Variants in POU2F2 observed in about 807,000 individuals in gnomAD.
POU2F2 encodes the protein POU domain, class 2, transcription factor 2.
POU2F2 carries 14 observed loss-of-function variants against 63.5 expected under a neutral mutation model. That is an observed-to-expected ratio of 0.22 (90% CI 0.15 to 0.34). POU2F2 has a LOEUF of 0.34. Ranked by LOEUF, POU2F2 falls within the 10% of genes least tolerant of loss-of-function variation. POU2F2 has a pLI of 1.00. For synonymous variants in POU2F2, 306 were observed against 348.6 expected, an observed-to-expected ratio of 0.88 and a Z score of 1.36; for missense variants, 607 against 815.2, an observed-to-expected ratio of 0.74 and a Z score of 3.11.
chr19:42,160,764 C>T lies in POU2F2; in HGVS notation c.-69-372G>A, dbSNP rs138783424. Among the ~76,000 whole-genome samples the T allele has an allele frequency of 1.2e-3, 183 of 152,160 alleles. 2 individuals carry two copies. The highest frequency in any genetic ancestry group is 4.2e-3 in the African/African-American group (173 of 41,494). ...AGATGCTCAATTAGTGCATAACGGA[C>T]GACGGAGTGAATGGATGGGTGGATG... On this transcript the variant is annotated intron_variant, in intron 1 of 6. Transcript: ENST00000524801.
At chr19:42,100,308 C>T (rs946352582) in intron 5 of POU2F2, among the ~76,000 whole-genome samples, 3 of 151,784 alleles carry the variant, frequency 2.0e-5, no homozygotes, top group Non-Finnish European at 4.4e-5. Context: ...CCAGGATGGT[C>T]TCAATCTCCT....
chr19:42,116,100 G>C (rs1011968963), intron 5 of POU2F2, among the ~76,000 whole-genome samples: 1 of 152,196 alleles, frequency 6.6e-6, no homozygotes. Flanking sequence ...TGTGGTTGGA[G>C]ACAATATGTT....
At chr19:42,175,062 G>A (rs1000114525) in intron 1 of POU2F2, among the ~76,000 whole-genome samples, 17 of 151,984 alleles carry the variant, frequency 1.1e-4, no homozygotes, top group Non-Finnish European at 2.4e-4. Context: ...TTCACTTCCC[G>A]CTAGGCATCC....
chr19:42,109,131 T>C (rs1194991581), intron 5 of POU2F2, among the ~76,000 whole-genome samples: 2 of 152,322 alleles, frequency 1.3e-5, no homozygotes, highest in Admixed American at 6.5e-5. Flanking sequence ...CAGTTCCACC[T>C]GGGGGAGAAG....
chr19:42,097,535 T>A (rs1157767019), intron 7 of POU2F2, among the ~76,000 whole-genome samples: 3 of 147,074 alleles, frequency 2.0e-5, no homozygotes, highest in Non-Finnish European at 3.0e-5. Context: ...GACAGCCGAG[T>A]GCAATGGCTC....
intron 1 of POU2F2, among the ~76,000 whole-genome samples, chr19:42,191,604 C>T (rs892099350): frequency 3.3e-5 from 5 of 152,178 alleles, no homozygotes; most frequent in African/African-American, 1.2e-4. Context: ...AGTGAAAGAG[C>T]TCAGATGGTC....
intron 1 of POU2F2, among the ~76,000 whole-genome samples, chr19:42,125,308 G>A (rs2033092088): frequency 6.7e-6 from 1 of 148,504 alleles, no homozygotes; most frequent in Non-Finnish European, 1.5e-5. Context: ...GCTACAGTGA[G>A]CCGTGATTGT....
At chr19:42,127,367 G>A (rs1255901552) in intron 1 of POU2F2, among the ~76,000 whole-genome samples, 1 of 151,604 alleles carries the variant, frequency 6.6e-6, no homozygotes, top group Non-Finnish European at 1.5e-5. Context: ...TCAGAACCCA[G>A]CATAAGCTCT....
At chr19:42,146,801 G>A (rs964220962) in intron 2 of POU2F2, among the ~76,000 whole-genome samples, 1 of 152,204 alleles carries the variant, frequency 6.6e-6, no homozygotes, top group Non-Finnish European at 1.5e-5. Context: ...AGCCTCCTAG[G>A]GAAAAAGTAG....
At chr19:42,118,395 G>A (rs1207693126) in intron 4 of POU2F2, among the ~76,000 whole-genome samples, 13 of 152,168 alleles carry the variant, frequency 8.5e-5, no homozygotes, top group South Asian at 4.1e-4. Flanking sequence ...TGGAGAGAGC[G>A]CCTGCCTAAG....
At chr19:42,164,270 C>T (rs544560185) in intron 1 of POU2F2, among the ~76,000 whole-genome samples, 12 of 143,206 alleles carry the variant, frequency 8.4e-5, no homozygotes, top group African/African-American at 2.4e-4. Context: ...CCAGCCTGGA[C>T]GACACACTGA....
At chr19:42,107,911 C>T (rs2030388619) in intron 5 of POU2F2, among the ~76,000 whole-genome samples, 1 of 152,166 alleles carries the variant, frequency 6.6e-6, no homozygotes, top group East Asian at 1.9e-4. Context: ...AACTCCCTAA[C>T]TCTGATCCAG....
chr19:42,154,077 AC>A (rs1380156042), intron 2 of POU2F2, among the ~76,000 whole-genome samples: 4 of 131,142 alleles, frequency 3.1e-5, no homozygotes, highest in South Asian at 2.9e-4. Flanking sequence ...GTCCCTCCCA[AC>A]CCCCCCAGCG....
intron 1 of POU2F2, among the ~76,000 whole-genome samples, chr19:42,124,197 G>C (rs758679907): frequency 1.1e-4 from 17 of 151,760 alleles, no homozygotes; most frequent in Admixed American, 2.6e-4. Context: ...CCAGCTATTG[G>C]GGAGGCTGAG....
intron 1 of POU2F2, chr19:42,123,265 T>G (rs1053372621): frequency 6.6e-5 from 10 of 152,430 alleles, no homozygotes; most frequent in Non-Finnish European, 1.3e-4. Context: ...AATCTAAACC[T>G]GATCTGGGAC....
intron 2 of POU2F2, among the ~76,000 whole-genome samples, chr19:42,150,801 C>T (rs113496381): frequency 3.4e-5 from 5 of 147,260 alleles, no homozygotes; most frequent in East Asian, 2.2e-4. Context: ...TGCCGCAGGC[C>T]GGGTGGGGGT....
intron 1 of POU2F2, among the ~76,000 whole-genome samples, chr19:42,172,330 G>A (rs1001367469): frequency 1.3e-5 from 2 of 152,144 alleles, no homozygotes; most frequent in African/African-American, 2.4e-5. Context: ...GTTGGCCCAT[G>A]GTCAGTGCCT....
intron 11 of POU2F2, 94 bp from the exon 12 acceptor site, chr19:42,093,989 G>C: frequency 9.7e-7 from 1 of 1,030,276 alleles, no homozygotes; most frequent in East Asian, 2.6e-5. Flanking sequence ...TCCCAGGATG[G>C]GGGCAGGGGG....
intron 1 of POU2F2, among the ~76,000 whole-genome samples, chr19:42,127,252 C>A (rs1359594596): frequency 6.6e-6 from 1 of 151,922 alleles, no homozygotes; most frequent in Non-Finnish European, 1.5e-5. Context: ...ACCATGCCTG[C>A]ACTTTGCCAT....
Sources: allele counts gnomAD v4.1 joint callset (sites outside exome capture counted in the v4.1 genomes callset), GRCh38; gene constraint gnomAD v4.1.1; transcripts MANE v1.5; gene names NCBI Gene and HGNC (gene_info 2026-07-23, HGNC 2026-07-21).